PTPRD: variants seen among roughly 807,000 people sequenced by gnomAD.
PTPRD encodes protein tyrosine phosphatase receptor type D.
Under a neutral mutation model 214.5 loss-of-function variants are expected in PTPRD, and 34 were observed. The observed-to-expected ratio is 0.16, with a 90% CI of 0.12 to 0.21. The LOEUF (loss-of-function observed/expected upper bound fraction) is 0.21, where lower values mean the gene tolerates loss of function less well. Ranked by LOEUF, PTPRD falls within the 10% of genes least tolerant of loss-of-function variation. PTPRD has a pLI of 1.00. For missense variants in PTPRD, 2,545 were observed against 2,398.7 expected (o/e 1.06, Z -1.27); for synonymous variants, 1,128 against 845.7 (o/e 1.33, Z -5.79).
chr9:9,077,536 C>A (rs1426237496), intron 10 of PTPRD, among the ~76,000 whole-genome samples: 1 of 152,048 alleles, frequency 6.6e-6, no homozygotes, highest in Non-Finnish European at 1.5e-5. Flanking sequence ...GAATCTATTA[C>A]TCCTTTTTTA....
chr9:8,698,594 G>A (rs2097988302), intron 12 of PTPRD, among the ~76,000 whole-genome samples: 1 of 152,076 alleles, frequency 6.6e-6, no homozygotes, highest in Non-Finnish European at 1.5e-5. Context: ...AACAACAAAG[G>A]ATACGTTTTA....
intron 39 of PTPRD, among the ~76,000 whole-genome samples, chr9:8,362,884 T>C (rs1481044726): frequency 6.6e-6 from 1 of 152,200 alleles, no homozygotes; most frequent in Non-Finnish European, 1.5e-5. Context: ...ATTTTTTTGA[T>C]CCTGAAAGCT....
chr9:9,905,893 A>G (rs955840006), intron 5 of PTPRD, among the ~76,000 whole-genome samples: 1 of 152,142 alleles, frequency 6.6e-6, no homozygotes, highest in Admixed American at 6.6e-5. Context: ...CCTTGACTGG[A>G]GAAGCATGTG....
chr9:10,583,428 C>G (rs2072730384), intron 2 of PTPRD, among the ~76,000 whole-genome samples: 1 of 151,312 alleles, frequency 6.6e-6, no homozygotes, highest in African/African-American at 2.4e-5. Context: ...AGACAGAGGT[C>G]CCCTGGTTGT....
At chr9:8,529,718 T>C (rs1450847906) in intron 14 of PTPRD, among the ~76,000 whole-genome samples, 2 of 152,164 alleles carry the variant, frequency 1.3e-5, no homozygotes, top group Non-Finnish European at 2.9e-5. Context: ...GTGTTCTATC[T>C]AAGCATCGAA....
chr9:8,991,553 C>T (rs2099366868), intron 11 of PTPRD, among the ~76,000 whole-genome samples: 1 of 152,080 alleles, frequency 6.6e-6, no homozygotes, highest in African/African-American at 2.4e-5. Flanking sequence ...CTACATATTC[C>T]TAGTTCATTT....
chr9:10,281,649 G>A (rs76683897), intron 3 of PTPRD, among the ~76,000 whole-genome samples: 3,590 of 152,146 alleles, frequency 0.024, 162 homozygotes, highest in African/African-American at 0.082. Flanking sequence ...GCTAGTAATA[G>A]ACCATACATA....
At chr9:9,749,635 G>A (rs961360648) in intron 6 of PTPRD, among the ~76,000 whole-genome samples, 1 of 152,154 alleles carries the variant, frequency 6.6e-6, no homozygotes, top group Non-Finnish European at 1.5e-5. Context: ...CACAGGGTCA[G>A]TAAAAGAGGA....
chr9:8,733,757 T>C, intron 12 of PTPRD, 23 bp downstream of exon 12: 1 of 1,551,538 alleles, frequency 6.4e-7, no homozygotes, highest in Non-Finnish European at 8.7e-7. Context: ...CACAGCCCCC[T>C]AGAGAAGGGG....
chr9:10,389,850 T>C (rs2154490200), intron 2 of PTPRD, among the ~76,000 whole-genome samples: 1 of 152,028 alleles, frequency 6.6e-6, no homozygotes, highest in South Asian at 2.1e-4. Flanking sequence ...CCTTCTTTTT[T>C]TCTTATCTTA....
intron 2 of PTPRD, among the ~76,000 whole-genome samples, chr9:10,411,192 A>C (rs2098432318): frequency 6.6e-6 from 1 of 151,772 alleles, no homozygotes; most frequent in Non-Finnish European, 1.5e-5. Flanking sequence ...AAGGCTTTTA[A>C]ACTGGTATAT....
chr9:9,429,556 C>T (rs1471145253), intron 8 of PTPRD, among the ~76,000 whole-genome samples: 1 of 152,174 alleles, frequency 6.6e-6, no homozygotes, highest in African/African-American at 2.4e-5. Flanking sequence ...TTTTATGAGG[C>T]CAGCATCATC....
At chr9:10,100,711 A>C (rs1369091923) in intron 3 of PTPRD, among the ~76,000 whole-genome samples, 1 of 151,636 alleles carries the variant, frequency 6.6e-6, no homozygotes, top group Non-Finnish European at 1.5e-5. Flanking sequence ...AAGAAGAATG[A>C]ATATATATTG....
intron 14 of PTPRD, among the ~76,000 whole-genome samples, chr9:8,533,134 G>A (rs898036157): frequency 2.0e-5 from 3 of 152,004 alleles, no homozygotes; most frequent in African/African-American, 4.8e-5. Flanking sequence ...CAATATTAAC[G>A]ATGCTCTTAC....
intron 10 of PTPRD, among the ~76,000 whole-genome samples, chr9:9,019,240 G>T (rs1355000839): frequency 6.9e-6 from 1 of 144,208 alleles, no homozygotes. Flanking sequence ...GAATCTACCA[G>T]ACTATGATAA....
intron 4 of PTPRD, among the ~76,000 whole-genome samples, chr9:9,952,967 C>T (rs1027855377): frequency 6.6e-6 from 1 of 152,042 alleles, no homozygotes; most frequent in African/African-American, 2.4e-5. Context: ...CTTCTCAAAC[C>T]TGTGGGGTAA....
intron 10 of PTPRD, among the ~76,000 whole-genome samples, chr9:9,019,337 AAC>A (rs2099553135): frequency 3.3e-4 from 6 of 17,912 alleles, no homozygotes; most frequent in East Asian, 1.6e-3. Context: ...AGAAAGAAAG[AAC>A]GAAAGAAAGA....
intron 5 of PTPRD, among the ~76,000 whole-genome samples, chr9:9,890,253 A>G (rs1318000775): frequency 6.6e-6 from 1 of 152,068 alleles, no homozygotes; most frequent in Non-Finnish European, 1.5e-5. Flanking sequence ...GGTAGAGTGC[A>G]GTGATACGAT....
Position 8,486,061 on chromosome 9 carries a change from G to A in PTPRD, c.2756C>T (p.Thr919Ile), listed in dbSNP as rs73426355. ...TGAGTGAAGGTTTTGAGGGAATCCA[G>A]TTGGTACTTCTTCTGGAATGGAAAT... ...KEISIPEEVP[T>I]GFPQNLHSEG... The change falls in exon 28 of 46, where the codon ACT (threonine) becomes ATT (isoleucine). Residue 919 changes from threonine (T) to isoleucine (I), a missense_variant. By Grantham distance (89) the Thr-to-Ile change is moderately conservative. Coordinates refer to ENST00000381196, the MANE Select transcript of PTPRD (RefSeq NM_002839.4). 1 of 1,614,224 alleles carries A rather than the reference G, an allele frequency of 6.2e-7. No individual in the cohort carries two copies. Among genetic ancestry groups the A allele is most frequent in the African/African-American group, 1.3e-5 (1 of 75,050 alleles).
Sources: allele counts gnomAD v4.1 joint callset (sites outside exome capture counted in the v4.1 genomes callset), GRCh38; gene constraint gnomAD v4.1.1; transcripts MANE v1.5; gene names NCBI Gene and HGNC (gene_info 2026-07-23, HGNC 2026-07-21).